Variants in SFMBT2 observed in about 807,000 individuals in gnomAD.
SFMBT2 encodes the protein Scm like with four mbt domains 2.
In SFMBT2, 38 loss-of-function variants were observed where a neutral mutation model predicts 110.1. That is an observed-to-expected ratio of 0.35 (90% CI 0.27 to 0.45). The LOEUF (loss-of-function observed/expected upper bound fraction) is 0.45. SFMBT2 is among the 20% of genes least tolerant of loss of function. The pLI, the probability that SFMBT2 is intolerant of heterozygous loss-of-function variation, is 1.00. For synonymous variants in SFMBT2, 425 were observed against 425.4 expected (o/e 1.00, Z 0.01); for missense variants, 1,011 against 1,094.9 (o/e 0.92, Z 1.08).
intron 16 of SFMBT2, chr10:7,176,543 T>C: frequency 1.0e-6 from 1 of 983,764 alleles, no homozygotes; most frequent in Non-Finnish European, 1.2e-6. Flanking sequence ...ATATTTCATT[T>C]TTGAAAAATG....
chr10:7,246,127 A>G, intron 8 of SFMBT2: 1 of 984,162 alleles, frequency 1.0e-6, no homozygotes, highest in Non-Finnish European at 1.2e-6. Flanking sequence ...TATACAAAAC[A>G]TGGTCAATAA....
chr10:7,373,388 A>C (rs1845111405), intron 2 of SFMBT2, among the ~76,000 whole-genome samples: 1 of 152,208 alleles, frequency 6.6e-6, no homozygotes, highest in African/African-American at 2.4e-5. Flanking sequence ...TAAATTATGC[A>C]GACTCGGGTA....
chr10:7,222,609 C>T (rs958709531), intron 10 of SFMBT2, among the ~76,000 whole-genome samples: 9 of 151,854 alleles, frequency 5.9e-5, no homozygotes, highest in African/African-American at 2.2e-4. Flanking sequence ...TAAGAGTGTC[C>T]TGATTTTTAC....
chr10:7,199,505 T>C (rs1838884635), intron 14 of SFMBT2, among the ~76,000 whole-genome samples: 1 of 152,234 alleles, frequency 6.6e-6, no homozygotes, highest in Non-Finnish European at 1.5e-5. Flanking sequence ...AGAAATGTTA[T>C]TCTTCTGGAT....
intron 7 of SFMBT2, among the ~76,000 whole-genome samples, chr10:7,267,508 C>T (rs1186929379): frequency 1.3e-5 from 2 of 152,164 alleles, no homozygotes; most frequent in Non-Finnish European, 2.9e-5. Context: ...AGTGCAGTAG[C>T]AAGATCTCAG....
At chr10:7,184,101 C>T (rs532186382) in intron 16 of SFMBT2, among the ~76,000 whole-genome samples, 96 of 152,294 alleles carry the variant, frequency 6.3e-4, no homozygotes, top group African/African-American at 2.0e-3. Context: ...TTTCTTTCCA[C>T]GTCCAAGTGC....
chr10:7,266,418 C>T (rs953044390), intron 7 of SFMBT2, among the ~76,000 whole-genome samples: 8 of 152,230 alleles, frequency 5.3e-5, no homozygotes, highest in East Asian at 1.9e-4. Flanking sequence ...AGCAGACACC[C>T]GTAGGAAGTG....
intron 9 of SFMBT2, among the ~76,000 whole-genome samples, chr10:7,238,578 T>G (rs1245697100): frequency 6.6e-6 from 1 of 152,184 alleles, no homozygotes; most frequent in Admixed American, 6.5e-5. Flanking sequence ...GCTTTGTGTC[T>G]CAATAATAAT....
intron 4 of SFMBT2, among the ~76,000 whole-genome samples, chr10:7,365,149 G>A (rs753567208): frequency 3.3e-5 from 5 of 152,100 alleles, no homozygotes; most frequent in Admixed American, 1.3e-4. Context: ...CTGACCCTGC[G>A]ATTTGCGTAC....
chr10:7,215,102 C>CA (rs1839489421), intron 11 of SFMBT2, among the ~76,000 whole-genome samples: 1 of 152,104 alleles, frequency 6.6e-6, no homozygotes. Flanking sequence ...ATGATGAGGA[C>CA]AAAAACAGAG....
chr10:7,401,874 G>A (rs1431254902), intron 1 of SFMBT2, among the ~76,000 whole-genome samples: 2 of 152,108 alleles, frequency 1.3e-5, no homozygotes, highest in Admixed American at 6.5e-5. Flanking sequence ...ATTTCTCCAC[G>A]TGTTCCGCAC....
intron 12 of SFMBT2, chr10:7,204,465 C>A: frequency 2.0e-6 from 2 of 984,650 alleles, no homozygotes; most frequent in Non-Finnish European, 2.4e-6. Flanking sequence ...TCTAAGGACT[C>A]ATCATTTTAA....
At chr10:7,392,396 TC>T (rs1845793291) in intron 1 of SFMBT2, among the ~76,000 whole-genome samples, 1 of 151,962 alleles carries the variant, frequency 6.6e-6, no homozygotes, top group Admixed American at 6.6e-5. Context: ...ACACCTGTAA[TC>T]CCAGCTACTC....
chr10:7,240,937 G>T (rs1840410185), intron 9 of SFMBT2, among the ~76,000 whole-genome samples: 1 of 152,008 alleles, frequency 6.6e-6, no homozygotes, highest in African/African-American at 2.4e-5. Context: ...GAATGATATG[G>T]TTTGGCTGTG....
chr10:7,364,754 GT>G (rs1844837889), intron 4 of SFMBT2, among the ~76,000 whole-genome samples: 1 of 152,188 alleles, frequency 6.6e-6, no homozygotes. Flanking sequence ...CCCCCTCTGT[GT>G]GCCCTTCTCT....
At chr10:7,192,543 C>A (rs1838632213) in intron 15 of SFMBT2, among the ~76,000 whole-genome samples, 1 of 152,154 alleles carries the variant, frequency 6.6e-6, no homozygotes. Context: ...CTCAGAGCTC[C>A]ACAATGAAGG....
intron 2 of SFMBT2, among the ~76,000 whole-genome samples, chr10:7,377,592 A>C (rs1305225640): frequency 6.6e-6 from 1 of 152,174 alleles, no homozygotes; most frequent in Non-Finnish European, 1.5e-5. Context: ...GTGACAGATC[A>C]TCAGGCATTA....
intron 7 of SFMBT2, among the ~76,000 whole-genome samples, chr10:7,270,700 T>A (rs1472938966): frequency 6.6e-6 from 1 of 152,202 alleles, no homozygotes; most frequent in African/African-American, 2.4e-5. Flanking sequence ...AATAAGATGA[T>A]AATGCTCACA....
intron 1 of SFMBT2, among the ~76,000 whole-genome samples, chr10:7,400,132 G>A (rs1846033361): frequency 6.6e-6 from 1 of 152,152 alleles, no homozygotes; most frequent in East Asian, 1.9e-4. Context: ...TGAAAAATAT[G>A]TAGTGGCCAG....
Sources: gnomAD v4.1 joint callset for allele counts (sites outside exome capture counted in the v4.1 genomes callset) on GRCh38, gnomAD v4.1.1 for gene constraint, MANE v1.5 for transcripts, NCBI Gene and HGNC (gene_info 2026-07-23, HGNC 2026-07-21) for gene names.